Variants in PELI2 observed in about 807,000 individuals in gnomAD.
PELI2 encodes the protein pellino E3 ubiquitin protein ligase family member 2, also known as E3 ubiquitin-protein ligase pellino homolog 2.
Under a neutral mutation model 42.3 loss-of-function variants are expected in PELI2, and 23 were observed. The observed-to-expected ratio is 0.54, with a 90% CI of 0.39 to 0.77. PELI2 has a LOEUF of 0.77. PELI2 is among the 30% of genes least tolerant of loss of function. The pLI is 0.00. For synonymous variants in PELI2, 245 were observed against 212.2 expected, an observed-to-expected ratio of 1.15 and a Z score of -1.34; for missense variants, 463 against 553.2, an observed-to-expected ratio of 0.84 and a Z score of 1.64.
chr14:56,164,967 GTTTT>G (rs35554850), intron 1 of PELI2, among the ~76,000 whole-genome samples: 5 of 145,014 alleles, frequency 3.4e-5, no homozygotes, highest in African/African-American at 7.7e-5. Context: ...AATTTTGTTG[GTTTT>G]TTTTTTTCAA....
intron 2 of PELI2, among the ~76,000 whole-genome samples, chr14:56,217,444 A>T (rs1055376650): frequency 2.0e-5 from 3 of 152,226 alleles, no homozygotes; most frequent in African/African-American, 7.2e-5. Flanking sequence ...TGCTGTTGTA[A>T]GAGGAGGACT....
chr14:56,135,218 G>T (rs990369337), intron 1 of PELI2, among the ~76,000 whole-genome samples: 9 of 152,202 alleles, frequency 5.9e-5, no homozygotes, highest in African/African-American at 2.2e-4. Flanking sequence ...GTAGAAGGGT[G>T]AGGTCTGCTG....
intron 2 of PELI2, among the ~76,000 whole-genome samples, chr14:56,242,904 A>G (rs1042282032): frequency 6.6e-6 from 1 of 152,188 alleles, no homozygotes; most frequent in Non-Finnish European, 1.5e-5. Context: ...GGTACAGTAT[A>G]CACTGCCCAG....
At position 56,288,691 on chromosome 14, in the gene PELI2, G is replaced by A; in HGVS notation, c.507+57G>A. On this transcript the variant is annotated intron_variant, in intron 4 of 5. Coordinates refer to ENST00000267460, the MANE Select transcript of PELI2 (RefSeq NM_021255.3). This position sits in a 1 kb window ranked among gnomAD's most constrained non-coding sequence, Gnocchi z 4.6. ...GAAAAATGCTTGTGATTATGATATG[G>A]AACATTTAATTGGAGCAAAAAAAAA... 1 of 1,324,344 alleles carries A rather than the reference G, an allele frequency of 7.6e-7. No individual in the cohort carries two copies. The highest frequency in any genetic ancestry group is 2.3e-5 in the Admixed American group (1 of 44,324). 82.0% of individuals were successfully genotyped at this position (1,324,344 alleles called of 1,614,324 possible).
At chr14:56,213,911 G>T (rs1886800475) in intron 2 of PELI2, among the ~76,000 whole-genome samples, 1 of 152,044 alleles carries the variant, frequency 6.6e-6, no homozygotes, top group South Asian at 2.1e-4. Flanking sequence ...GAGTGCAGTG[G>T]CGTGATCTCG....
In PELI2 at chr14:56,297,317, AG is replaced by A. The variant is rs1424286295; in HGVS notation, c.*153del. On this transcript the variant is annotated 3_prime_UTR_variant, in exon 6 of 6. Coordinates refer to ENST00000267460, the MANE Select transcript of PELI2 (RefSeq NM_021255.3). ...AGGGGACATGGTGATGAAACATGGCAGGAGTGTAACAGATACCAGTGGTGTG... is the reference window on the plus strand; with the variant it reads ...AGGGGACATGGTGATGAAACATGGCAGAGTGTAACAGATACCAGTGGTGTG... 1.6e-6 allele frequency: 1 copy of A among 620,366 alleles called. No homozygotes were observed. The highest frequency in any genetic ancestry group is 1.8e-5 in the African/African-American group (1 of 54,282). The allele number at this position is 620,366 out of a possible 1,614,324, so 38.4% of individuals were successfully genotyped here.
At chr14:56,253,452 C>A (rs1209487023) in intron 2 of PELI2, among the ~76,000 whole-genome samples, 1 of 152,108 alleles carries the variant, frequency 6.6e-6, no homozygotes, top group Admixed American at 6.5e-5. Context: ...TTAGAAAACC[C>A]CATGATCTCA....
chr14:56,154,313 G>T (rs116048226), intron 1 of PELI2, among the ~76,000 whole-genome samples: 195 of 152,300 alleles, frequency 1.3e-3, no homozygotes, highest in African/African-American at 4.6e-3. Flanking sequence ...GAACATTGAT[G>T]TGGTTTGGCT....
chr14:56,220,642 A>G (rs534328399), intron 2 of PELI2, among the ~76,000 whole-genome samples: 21 of 152,310 alleles, frequency 1.4e-4, no homozygotes, highest in Admixed American at 1.2e-3. Flanking sequence ...AATGAAAAGC[A>G]AAAAAGGAGG....
chr14:56,203,142 G>C (rs555913101), intron 2 of PELI2, among the ~76,000 whole-genome samples: 1 of 152,276 alleles, frequency 6.6e-6, no homozygotes, highest in Non-Finnish European at 1.5e-5. Flanking sequence ...GGGGTGACCA[G>C]CCTGGCCAAC....
At chr14:56,186,826 A>G (rs1177078408) in intron 2 of PELI2, among the ~76,000 whole-genome samples, 1 of 152,216 alleles carries the variant, frequency 6.6e-6, no homozygotes, top group Admixed American at 6.5e-5. Flanking sequence ...TCCTTAAAGC[A>G]TAATTTTATT....
chr14:56,208,640 A>G (rs759372548), intron 2 of PELI2, among the ~76,000 whole-genome samples: 3 of 152,234 alleles, frequency 2.0e-5, no homozygotes, highest in Non-Finnish European at 4.4e-5. Context: ...TGTAGAAGCA[A>G]TAACATTATT....
intron 2 of PELI2, among the ~76,000 whole-genome samples, chr14:56,202,457 C>A (rs552898826): frequency 6.6e-6 from 1 of 152,006 alleles, no homozygotes; most frequent in South Asian, 2.1e-4. Flanking sequence ...GTTCTGTTCT[C>A]AGTGGAGACA....
At chr14:56,237,767 G>T (rs1887847355) in intron 2 of PELI2, among the ~76,000 whole-genome samples, 1 of 151,310 alleles carries the variant, frequency 6.6e-6, no homozygotes, top group African/African-American at 2.4e-5. Context: ...ACATGTCAGA[G>T]CATGTGGACT....
chr14:56,277,711 C>T (rs1305178027), intron 2 of PELI2, among the ~76,000 whole-genome samples: 1 of 152,030 alleles, frequency 6.6e-6, no homozygotes, highest in Non-Finnish European at 1.5e-5. Context: ...AGCGAGTCTT[C>T]ATGAGACAAT....
chr14:56,215,460 T>C (rs1886874542), intron 2 of PELI2, among the ~76,000 whole-genome samples: 1 of 152,168 alleles, frequency 6.6e-6, no homozygotes, highest in South Asian at 2.1e-4. Context: ...AATAGGTAGG[T>C]AGAAGGAAAT....
At chr14:56,262,307 G>A (rs925801816) in intron 2 of PELI2, among the ~76,000 whole-genome samples, 4 of 152,112 alleles carry the variant, frequency 2.6e-5, no homozygotes. Flanking sequence ...CCTACTGCAT[G>A]GATAGACTTT....
intron 2 of PELI2, among the ~76,000 whole-genome samples, chr14:56,196,535 C>G (rs1472907269): frequency 6.6e-6 from 1 of 152,250 alleles, no homozygotes; most frequent in African/African-American, 2.4e-5. Context: ...TCTGCAACCT[C>G]TTGCTTTTGT....
intron 3 of PELI2, among the ~76,000 whole-genome samples, chr14:56,281,466 A>T (rs1889479155): frequency 6.6e-6 from 1 of 152,142 alleles, no homozygotes; most frequent in Non-Finnish European, 1.5e-5. Context: ...GAAATGCACC[A>T]GCTCTTTTTC....
Sources: gnomAD v4.1 joint callset for allele counts (sites outside exome capture counted in the v4.1 genomes callset) on GRCh38, gnomAD v4.1.1 for gene constraint, Gnocchi (gnomAD v3.1) non-coding constraint, MANE v1.5 for transcripts, NCBI Gene and HGNC (gene_info 2026-07-23, HGNC 2026-07-21) for gene names.